Variants in CCDC9B observed in about 807,000 individuals in gnomAD.
CCDC9B encodes the protein coiled-coil domain containing 9B.
CCDC9B carries 40 observed loss-of-function variants against 47.2 expected under a neutral mutation model. The observed-to-expected ratio is 0.85, with a 90% CI of 0.66 to 1.10. CCDC9B has a LOEUF of 1.10. Ranked by LOEUF, CCDC9B falls within the 50% of genes least tolerant of loss-of-function variation. The probability of loss-of-function intolerance (pLI) is 0.00; values close to 1 mark genes in which losing one functional copy is unlikely to be tolerated. For synonymous variants in CCDC9B, 238 were observed against 250.7 expected (o/e 0.95, Z 0.48); for missense variants, 662 against 651.0 (o/e 1.02, Z -0.18).
At position 40,336,654 on chromosome 15, in the gene CCDC9B, C is replaced by T. The variant is rs1215047552; in HGVS notation, c.807G>A (p.Gly269=). The T allele has an allele frequency of 6.2e-7, 1 of 1,611,924 alleles. No individual in the cohort carries two copies. The highest frequency in any genetic ancestry group is 8.5e-7 in the Non-Finnish European group (1 of 1,178,690). ...GTGCCACCGAGGGTCTGCTGGCTTG[C>T]CCGCCCCGACCTGCAAGAGATGGTC... ...PLLPDGKGRG[G]QASRPSVAPA... Residue 269 remains glycine (G), a synonymous_variant, in exon 9 of 11, where the codon GGG becomes GGA. Coordinates refer to ENST00000397536, the MANE Select transcript of CCDC9B (RefSeq NM_207380.3).
At chr15:40,337,294 A>C in intron 7 of CCDC9B, 94 bp downstream of exon 7, 1 of 1,216,352 alleles carries the variant, frequency 8.2e-7, no homozygotes, top group Non-Finnish European at 1.2e-6. Flanking sequence ...TCAGCTCTGA[A>C]AATAAGAGAC....
intron 7 of CCDC9B, 128 bp from the exon 8 acceptor site, chr15:40,336,941 G>T: frequency 2.3e-6 from 2 of 856,918 alleles, no homozygotes; most frequent in Non-Finnish European, 3.7e-6. Flanking sequence ...CCCCAAAAGC[G>T]CCCTCGCCTG....
intron 9 of CCDC9B, chr15:40,336,177 C>G: frequency 1.0e-6 from 1 of 985,442 alleles, no homozygotes; most frequent in Non-Finnish European, 1.2e-6. Context: ...ATGCTTCCCC[C>G]ACCAAGCCTG....
chr15:40,340,104 A>G (rs1369513471), intron 1 of CCDC9B, 89 bp from the exon 2 acceptor site: 6 of 750,612 alleles, frequency 8.0e-6, no homozygotes, highest in Non-Finnish European at 1.3e-5. Context: ...CAAGGAAGAG[A>G]TCCCAGACCC....
chr15:40,337,101 C>T (rs897772411), intron 7 of CCDC9B: 2 of 612,240 alleles, frequency 3.3e-6, no homozygotes, highest in African/African-American at 3.7e-5. Context: ...GGAAGGACCA[C>T]CAGGACTTTC....
At chr15:40,339,069 A>G (rs1449018219) in intron 3 of CCDC9B, 166 bp from the exon 4 acceptor site, 3 of 799,932 alleles carry the variant, frequency 3.8e-6, no homozygotes, top group South Asian at 2.9e-5. Flanking sequence ...GCATGAGGTT[A>G]TCCAGGGCCC....
chr15:40,335,634 G>A lies in CCDC9B; in HGVS notation c.997C>T (p.Gln333Ter). 2 of 1,519,202 alleles carry A rather than the reference G, an allele frequency of 1.3e-6. No individual in the cohort carries two copies. Among genetic ancestry groups the A allele is most frequent in the Non-Finnish European group, 1.8e-6 (2 of 1,128,862 alleles). 94.1% of individuals were successfully genotyped at this position (1,519,202 alleles called of 1,614,324 possible). The change falls in exon 11 of 11, where the codon CAG (glutamine) becomes TAG (stop). Residue 333 changes from glutamine to a stop codon, truncating the protein, a stop_gained. Coordinates refer to ENST00000397536, the MANE Select transcript of CCDC9B (RefSeq NM_207380.3). LOFTEE classifies it low-confidence loss of function (END_TRUNC). ...EQAQKQSGME[Q>*]GRLGSAPAAS... ...GCAGGGGCGCTCCCCAGTCGGCCCT[G>A]CTCCATCCCGCTCTGCTTCTGGGCT...
intron 2 of CCDC9B, 126 bp from the exon 3 acceptor site, chr15:40,339,745 C>A (rs950556114): frequency 2.0e-6 from 3 of 1,480,626 alleles, no homozygotes; most frequent in Non-Finnish European, 2.7e-6. Flanking sequence ...CATCACACAT[C>A]CCCAGGACCC....
chr15:40,336,387 C>T, intron 9 of CCDC9B, 187 bp downstream of exon 9: 4 of 985,456 alleles, frequency 4.1e-6, no homozygotes, highest in Non-Finnish European at 4.8e-6. Context: ...CCACCAGCCT[C>T]CCCGGGCACC....
Position 40,337,390 on chromosome 15 carries a change from C to A in CCDC9B, c.740G>T (p.Arg247Met). The stretch of plus-strand genomic sequence containing the variant: ...GGATGAGGTAGGTGTGGGCTCACCC[C>A]TTCTGCTGCCTGCCCTGGCCGGGCC... ...GEGPARAGSR[R>M]GPRSHQKLQP... The change falls in exon 7 of 11, where the codon AGG becomes ATG. Residue 247 changes from arginine (R) to methionine (M), a missense_variant and splice_region_variant. Coordinates refer to ENST00000397536, the MANE Select transcript of CCDC9B (RefSeq NM_207380.3). The A allele has an allele frequency of 6.2e-7, 1 of 1,611,774 alleles. No individual in the cohort carries two copies. Among genetic ancestry groups the A allele is most frequent in the South Asian group, 1.1e-5 (1 of 90,724 alleles).
intron 9 of CCDC9B, chr15:40,336,236 G>A: frequency 1.0e-6 from 1 of 985,320 alleles, no homozygotes; most frequent in Non-Finnish European, 1.2e-6. Flanking sequence ...ACGCACTCTG[G>A]GCCCATCCTG....
At chr15:40,338,277 C>A (rs949871500) in intron 5 of CCDC9B, 2 of 635,554 alleles carry the variant, frequency 3.1e-6, no homozygotes, top group African/African-American at 3.6e-5. Context: ...CCTCCTGCCC[C>A]CTCCCCAACT....
intron 9 of CCDC9B, chr15:40,336,201 A>T: frequency 1.0e-6 from 1 of 985,340 alleles, no homozygotes; most frequent in South Asian, 4.7e-5. Flanking sequence ...TTGTTCCCTA[A>T]ATCCAACTAT....
At chr15:40,339,332 G>C (rs1483065017) in intron 3 of CCDC9B, 180 bp downstream of exon 3, 6 of 630,192 alleles carry the variant, frequency 9.5e-6, no homozygotes, top group Non-Finnish European at 1.7e-5. Flanking sequence ...GGGGTAGGGG[G>C]GCTTTCAGCT....
chr15:40,339,282 G>T (rs1410465954), intron 3 of CCDC9B: 2 of 589,520 alleles, frequency 3.4e-6, no homozygotes, highest in Non-Finnish European at 3.0e-6. Context: ...CATAGGCGCA[G>T]GGCTGTGGAC....
At chr15:40,338,108 A>C (rs1277296495) in intron 5 of CCDC9B, 1 of 728,354 alleles carries the variant, frequency 1.4e-6, no homozygotes, top group Non-Finnish European at 2.5e-6. Context: ...TTCCTCGTGT[A>C]AAATGGGGAG....
Position 40,337,425 on chromosome 15 carries a change from C to T in CCDC9B, c.705G>A (p.Leu235=). 6.3e-7 allele frequency: 1 copy of T among 1,597,800 alleles called. No homozygotes were observed. The highest frequency in any genetic ancestry group is 1.7e-5 in the Admixed American group (1 of 58,602). Reference sequence around the variant, plus strand: ...CTGCCCTGGCCGGGCCTTCTCCCCTCAGCTGGCTGCAGTCCTGTAGCCTGT... The same window carrying T: ...CTGCCCTGGCCGGGCCTTCTCCCCTTAGCTGGCTGCAGTCCTGTAGCCTGT... ...AKSTLQDCSQ[L]RGEGPARAGS... is the part of the protein sequence containing the mutation. The change falls in exon 7 of 11, where the codon CTG becomes CTA. Residue 235 remains leucine (L), a synonymous_variant. Transcript: ENST00000397536.
At chr15:40,339,062 T>C in intron 3 of CCDC9B, 159 bp from the exon 4 acceptor site, 1 of 839,576 alleles carries the variant, frequency 1.2e-6, no homozygotes, top group East Asian at 2.6e-5. Flanking sequence ...GCCAATGGCA[T>C]GAGGTTATCC....
chr15:40,334,858 G>T lies in CCDC9B; in HGVS notation c.*300C>A, dbSNP rs1372775580. 6 of 273,660 alleles carry T rather than the reference G, an allele frequency of 2.2e-5. No homozygotes were observed. Among genetic ancestry groups the T allele is most frequent in the Non-Finnish European group, 4.1e-5 (6 of 145,792 alleles). The allele number at this position is 273,660 out of a possible 1,614,324, so 17.0% of individuals were successfully genotyped here. ...CTCATCATAGTGGAGAAGGCTTGTG[G>T]CCTGGGCAGCAGTAGGCCCAGGTCA... On this transcript the variant is annotated 3_prime_UTR_variant, in exon 11 of 11. Coordinates refer to ENST00000397536, the MANE Select transcript of CCDC9B (RefSeq NM_207380.3).
Sources: gnomAD v4.1 joint callset for allele counts on GRCh38, gnomAD v4.1.1 for gene constraint, MANE v1.5 for transcripts, NCBI Gene and HGNC (gene_info 2026-07-23, HGNC 2026-07-21) for gene names.